SOCS7: variants seen among roughly 807,000 people sequenced by gnomAD.
SOCS7 encodes the protein suppressor of cytokine signaling 7, also known as NAP-4.
Under a neutral mutation model 58.9 loss-of-function variants are expected in SOCS7, and 18 were observed. The observed-to-expected ratio is 0.31, with a 90% CI of 0.21 to 0.45. The LOEUF is 0.45. Among genes scored for constraint, SOCS7 ranks in the 20% least tolerant of loss-of-function variants. The probability of loss-of-function intolerance (pLI) is 1.00; values close to 1 mark genes in which losing one functional copy is unlikely to be tolerated. For missense variants in SOCS7, 667 were observed against 837.3 expected (o/e 0.80, Z 2.51); for synonymous variants, 388 against 364.3 (o/e 1.06, Z -0.74).
intron 7 of SOCS7, among the ~76,000 whole-genome samples, chr17:38,387,260 A>G (rs1348471618): frequency 1.4e-5 from 2 of 140,290 alleles, no homozygotes; most frequent in African/African-American, 5.4e-5. Context: ...CCTGGCCAAC[A>G]TAGCTAAACC....
intron 7 of SOCS7, among the ~76,000 whole-genome samples, chr17:38,388,355 A>G (rs2038107658): frequency 6.8e-6 from 1 of 148,134 alleles, no homozygotes; most frequent in Admixed American, 6.6e-5. Flanking sequence ...TTGATAAAAA[A>G]AAAAAATACA....
In SOCS7 at chr17:38,359,742, T is replaced by C. The variant is rs587655025; in HGVS notation, c.981-1969T>C. ...TTTCTTTAAGTCTGTTTTACTGTTA[T>C]ATATATATATATATTATTTTTTTAA... On this transcript the variant is annotated intron_variant, in intron 1 of 9. Coordinates refer to ENST00000612932, the MANE Select transcript of SOCS7 (RefSeq NM_014598.4). Among the ~76,000 whole-genome samples the C allele has an allele frequency of 4.7e-5, 7 of 148,666 alleles. 1 individual carries two copies. In the South Asian group the frequency reaches 1.3e-3, roughly 27 times the overall value.
intron 1 of SOCS7, among the ~76,000 whole-genome samples, chr17:38,355,778 T>A (rs1054491900): frequency 2.6e-5 from 4 of 152,198 alleles, no homozygotes; most frequent in Non-Finnish European, 5.9e-5. Flanking sequence ...TTCCCACATT[T>A]TAGCACTAAG....
At chr17:38,378,148 A>G (rs1007080383) in intron 7 of SOCS7, among the ~76,000 whole-genome samples, 1 of 152,206 alleles carries the variant, frequency 6.6e-6, no homozygotes, top group Admixed American at 6.5e-5. Context: ...CTCAACATTT[A>G]TAAGTGAAGC....
At chr17:38,365,538 T>C in intron 4 of SOCS7, 129 bp downstream of exon 4, 1 of 577,944 alleles carries the variant, frequency 1.7e-6, no homozygotes, top group Non-Finnish European at 2.8e-6. Flanking sequence ...CTTTTCCCCT[T>C]GGCTGGACCA....
intron 7 of SOCS7, 120 bp downstream of exon 7, chr17:38,377,962 A>G (rs2037953018): frequency 1.2e-6 from 1 of 865,436 alleles, no homozygotes. Flanking sequence ...TGTTGGAGCC[A>G]CCACTCCTCT....
intron 7 of SOCS7, among the ~76,000 whole-genome samples, chr17:38,393,978 G>A (rs1174856052): frequency 1.3e-5 from 2 of 152,234 alleles, no homozygotes; most frequent in Non-Finnish European, 2.9e-5. Flanking sequence ...CCAATCAGTT[G>A]TGTCTATAGA....
chr17:38,384,278 T>A (rs142062433), intron 7 of SOCS7, among the ~76,000 whole-genome samples: 1 of 152,250 alleles, frequency 6.6e-6, no homozygotes, highest in Non-Finnish European at 1.5e-5. Flanking sequence ...TGCATATTAG[T>A]GTTTAGTGTT....
At chr17:38,353,159 C>A in intron 1 of SOCS7, 127 bp downstream of exon 1, 1 of 886,188 alleles carries the variant, frequency 1.1e-6, no homozygotes, top group Non-Finnish European at 1.7e-6. Context: ...GACTTGGGAC[C>A]AAAGGTGGTA....
chr17:38,372,870 G>A (rs1268810524), intron 6 of SOCS7, among the ~76,000 whole-genome samples: 1 of 152,162 alleles, frequency 6.6e-6, no homozygotes, highest in African/African-American at 2.4e-5. Flanking sequence ...ACTTTGGGAG[G>A]CCGAGGCGGG....
In SOCS7 at chr17:38,351,923, T is replaced by A. The variant is rs956021437; in HGVS notation, c.-130T>A. 6.6e-6 allele frequency among the ~76,000 whole-genome samples: 1 copy of A among 151,238 alleles called. No individual in the cohort carries two copies. Among genetic ancestry groups the A allele is most frequent in the Admixed American group, 6.6e-5 (1 of 15,214 alleles). On this transcript the variant is annotated 5_prime_UTR_variant, in exon 1 of 10. It removes an upstream start codon present in the reference 5' UTR. Transcript: ENST00000612932. ...TCCGCGCGCCCCCCGCCCCCCTCTATGAGGCAGAGGCCGCGGCGGCCGTTA... is the reference window on the plus strand; with the variant it reads ...TCCGCGCGCCCCCCGCCCCCCTCTAAGAGGCAGAGGCCGCGGCGGCCGTTA...
At chr17:38,393,599 T>G (rs1220724213) in intron 7 of SOCS7, among the ~76,000 whole-genome samples, 1 of 151,904 alleles carries the variant, frequency 6.6e-6, no homozygotes, top group African/African-American at 2.4e-5. Flanking sequence ...ATCGCGCCAC[T>G]GCACTCCAGC....
chr17:38,386,007 T>C (rs1379496276), intron 7 of SOCS7, among the ~76,000 whole-genome samples: 1 of 151,872 alleles, frequency 6.6e-6, no homozygotes, highest in African/African-American at 2.4e-5. Flanking sequence ...GGTAAGACCC[T>C]GTCTCTACCA....
chr17:38,380,720 A>T (rs1329970022), intron 7 of SOCS7, among the ~76,000 whole-genome samples: 2 of 151,324 alleles, frequency 1.3e-5, no homozygotes, highest in Non-Finnish European at 2.9e-5. Flanking sequence ...TTAGCCAGGC[A>T]TGGTGGCGGG....
chr17:38,388,323 C>G lies in SOCS7; in HGVS notation c.1682-6986C>G, dbSNP rs75094917. ...CCTAGGGGTTCAAGTCCAGCCTGGA[C>G]AACATGGCATGAAACCCCATCTTGA... On this transcript the variant is annotated intron_variant, in intron 7 of 9. Coordinates refer to ENST00000612932, the MANE Select transcript of SOCS7 (RefSeq NM_014598.4). 1.6e-3 allele frequency among the ~76,000 whole-genome samples: 241 copies of G among 151,264 alleles called. 6 individuals are homozygous for G. The East Asian group carries it at 0.033, about 21-fold the overall frequency.
intron 6 of SOCS7, chr17:38,376,112 A>G (rs1387543441): frequency 6.6e-6 from 1 of 152,248 alleles, no homozygotes; most frequent in Non-Finnish European, 1.5e-5. Flanking sequence ...ATATATGTAA[A>G]CTATACACAC....
intron 6 of SOCS7, among the ~76,000 whole-genome samples, chr17:38,375,473 A>G (rs2037918901): frequency 6.6e-6 from 1 of 152,152 alleles, no homozygotes; most frequent in Non-Finnish European, 1.5e-5. Flanking sequence ...TATTTTCTTA[A>G]TAGTGTTTTC....
Position 38,367,585 on chromosome 17 carries a change from G to A in SOCS7, c.1384-297G>A, listed in dbSNP as rs1417938264. On this transcript the variant is annotated intron_variant, in intron 5 of 9. Transcript: ENST00000612932. The stretch of plus-strand genomic sequence containing the variant: ...GATGGGTTTTCACCATGTTGGCCAG[G>A]CTGGTCTCGAACTCCTGACCTCAAG... Among the ~76,000 whole-genome samples the A allele has an allele frequency of 3.3e-5, 5 of 152,104 alleles. No individual in the cohort carries two copies. In the East Asian group the frequency reaches 9.6e-4, roughly 29 times the overall value.
chr17:38,371,943 A>G (rs552347177), intron 6 of SOCS7, among the ~76,000 whole-genome samples: 2 of 151,826 alleles, frequency 1.3e-5, no homozygotes, highest in East Asian at 1.9e-4. Flanking sequence ...AAAGAAGGAA[A>G]GACTTAGATT....
Sources: allele counts gnomAD v4.1 joint callset (sites outside exome capture counted in the v4.1 genomes callset), GRCh38; gene constraint gnomAD v4.1.1; transcripts MANE v1.5; gene names NCBI Gene and HGNC (gene_info 2026-07-23, HGNC 2026-07-21).